The following ZFR variants were observed in gnomAD, a reference collection of about 807,000 sequenced individuals.
The protein encoded by ZFR is zinc finger RNA binding protein.
ZFR carries 19 observed loss-of-function variants against 130.7 expected under a neutral mutation model. That is an observed-to-expected ratio of 0.15 (90% CI 0.10 to 0.21). ZFR has a LOEUF of 0.21. ZFR is among the 10% of genes least tolerant of loss of function. The pLI is 1.00. For missense variants in ZFR, 872 were observed against 1,321.5 expected, an observed-to-expected ratio of 0.66 and a Z score of 5.27; for synonymous variants, 466 against 456.9, an observed-to-expected ratio of 1.02 and a Z score of -0.25.
At chr5:32,393,254 T>C (rs1477508112) in intron 11 of ZFR, among the ~76,000 whole-genome samples, 1 of 152,234 alleles carries the variant, frequency 6.6e-6, no homozygotes, top group Non-Finnish European at 1.5e-5. Flanking sequence ...CGTGTAATAT[T>C]TTAACAAATA....
intron 17 of ZFR, among the ~76,000 whole-genome samples, chr5:32,376,087 C>T (rs1159591597): frequency 1.3e-5 from 2 of 151,732 alleles, no homozygotes; most frequent in Non-Finnish European, 2.9e-5. Flanking sequence ...TGTGATCCAC[C>T]CGCCTCGGCC....
At chr5:32,403,526 G>A (rs368554056) in intron 7 of ZFR, 129 bp from the exon 8 acceptor site, 2 of 1,144,454 alleles carry the variant, frequency 1.7e-6, no homozygotes, top group East Asian at 2.5e-5. Flanking sequence ...ATATGTTTTT[G>A]TATATACACA....
intron 3 of ZFR, among the ~76,000 whole-genome samples, chr5:32,418,862 G>T (rs1003191494): frequency 3.9e-5 from 6 of 152,024 alleles, no homozygotes; most frequent in Non-Finnish European, 7.4e-5. Context: ...AAGAAATTAG[G>T]ACCAAATTTA....
At chr5:32,432,033 C>G (rs1159398515) in intron 2 of ZFR, among the ~76,000 whole-genome samples, 2 of 151,290 alleles carry the variant, frequency 1.3e-5, no homozygotes, top group African/African-American at 2.4e-5. Flanking sequence ...ACTTTGTCAC[C>G]CAGGCTGGAG....
intron 2 of ZFR, 23 bp downstream of exon 2, chr5:32,444,206 G>C (rs375139787): frequency 5.5e-5 from 87 of 1,595,262 alleles, no homozygotes; most frequent in Non-Finnish European, 7.1e-5. Context: ...GGGGCGAACA[G>C]AGAGAAGGCA....
At chr5:32,375,206 T>C (rs1199337124) in intron 17 of ZFR, among the ~76,000 whole-genome samples, 1 of 152,216 alleles carries the variant, frequency 6.6e-6, no homozygotes, top group Non-Finnish European at 1.5e-5. Context: ...AGAAAAACTA[T>C]ACATTCATGT....
In ZFR at chr5:32,380,100, G is replaced by A; in HGVS notation, c.2714C>T (p.Ala905Val). Residue 905 changes from alanine to valine, a missense_variant, in exon 16 of 20, where the codon GCT becomes GTT. Transcript: ENST00000265069. Reference protein sequence around the residue: ...DRQKCLDALAALRHAKWFQAR... With the variant: ...DRQKCLDALAVLRHAKWFQAR... ...CTGGAACCACTTAGCGTGGCGTAGA[G>A]CAGCCAGAGCGTCAAGGCATTTTTG... 6.2e-7 allele frequency: 1 copy of A among 1,614,090 alleles called. No homozygotes were observed. Among genetic ancestry groups the A allele is most frequent in the Non-Finnish European group, 8.5e-7 (1 of 1,179,942 alleles).
At chr5:32,444,130 T>C in intron 2 of ZFR, 99 bp downstream of exon 2, 2 of 1,371,484 alleles carry the variant, frequency 1.5e-6, no homozygotes, top group Non-Finnish European at 2.0e-6. Flanking sequence ...GGGCCGGGGC[T>C]CTGGGATGGC....
At chr5:32,390,521 A>C (rs1268358765) in intron 11 of ZFR, 84 bp from the exon 12 acceptor site, 4 of 1,334,964 alleles carry the variant, frequency 3.0e-6, no homozygotes, top group Non-Finnish European at 4.0e-6. Context: ...AAAAAGCAAT[A>C]AAAAACCCCA....
In ZFR at chr5:32,406,824, G is replaced by C; in HGVS notation, c.982C>G (p.Pro328Ala). 1 of 1,614,086 alleles carries C rather than the reference G, an allele frequency of 6.2e-7. No individual in the cohort carries two copies. The highest frequency in any genetic ancestry group is 8.5e-7 in the Non-Finnish European group (1 of 1,180,010). Residue 328 changes from proline to alanine, a missense_variant, in exon 6 of 20, where the codon CCA becomes GCA. By Grantham distance (27) the Pro-to-Ala change is conservative. Coordinates refer to ENST00000265069, the MANE Select transcript of ZFR (RefSeq NM_016107.5). The part of the protein sequence containing the change: ...QLKPKQPPKP[P>A]QIHYCDVCKI... The stretch of plus-strand genomic sequence containing the variant: ...CAAACATCACAATAGTGAATCTGTG[G>C]TGGTTTGGGAGGCTGTTTTGGTTTC...
At chr5:32,388,360 A>G in intron 13 of ZFR, 109 bp downstream of exon 13, 1 of 1,048,172 alleles carries the variant, frequency 9.5e-7, no homozygotes, top group Non-Finnish European at 1.4e-6. Context: ...CATGGTTAAA[A>G]CACATAGAAC....
rs567105236 is a variant in ZFR, at chr5:32,374,663, T to C, written c.2835+4452A>G. On this transcript the variant is annotated intron_variant, in intron 17 of 19. Transcript: ENST00000265069. ...TTTTGCTCCCATCTGGCAAATACTT[T>C]ACTGGCTAGTCTAATCAATGACACA... Among the ~76,000 whole-genome samples, 110 of 151,482 alleles carry C rather than the reference T, an allele frequency of 7.3e-4. 2 individuals are homozygous for C. In the South Asian group the frequency reaches 0.022, roughly 31 times the overall value.
chr5:32,358,315 C>A (rs1022836249), intron 19 of ZFR, among the ~76,000 whole-genome samples: 19 of 152,166 alleles, frequency 1.2e-4, no homozygotes, highest in African/African-American at 4.6e-4. Flanking sequence ...CAAAATTGTG[C>A]CATTGCAATC....
rs1346397919 is a variant in ZFR, at chr5:32,390,317, C to T, written c.2100G>A (p.Leu700=). 1.2e-6 allele frequency: 2 copies of T among 1,614,156 alleles called. No individual in the cohort carries two copies. Among genetic ancestry groups the T allele is most frequent in the Non-Finnish European group, 1.7e-6 (2 of 1,180,006 alleles). The part of the protein sequence containing the change: ...PHGPPGPLGL[L]GVRPGMPPQP... Reference sequence around the variant, plus strand: ...GAGGAGGCATGCCTGGTCGGACTCCCAGAAGGCCTAATGGGCCTGGAGGAC... The same window carrying T: ...GAGGAGGCATGCCTGGTCGGACTCCTAGAAGGCCTAATGGGCCTGGAGGAC... The change falls in exon 12 of 20, where the codon CTG becomes CTA. Residue 700 remains leucine (L), a synonymous_variant. Transcript: ENST00000265069.
intron 4 of ZFR, among the ~76,000 whole-genome samples, chr5:32,415,513 T>TGTGTGC (rs1554073605): frequency 2.2e-5 from 2 of 92,250 alleles, no homozygotes; most frequent in African/African-American, 5.6e-5. Flanking sequence ...TGTGTGTGTG[T>TGTGTGC]GTGCGCGCGC....
intron 11 of ZFR, among the ~76,000 whole-genome samples, chr5:32,394,150 A>G (rs1325389920): frequency 6.6e-6 from 1 of 152,254 alleles, no homozygotes; most frequent in African/African-American, 2.4e-5. Flanking sequence ...TAAAAGTTAT[A>G]CAAAAATATT....
chr5:32,411,075 T>C (rs966173471), intron 5 of ZFR, among the ~76,000 whole-genome samples: 7 of 152,200 alleles, frequency 4.6e-5, no homozygotes, highest in East Asian at 1.9e-4. Flanking sequence ...ATAAAATACT[T>C]TGTGGCCATT....
At chr5:32,372,122 T>A (rs1752679211) in intron 17 of ZFR, among the ~76,000 whole-genome samples, 2 of 152,266 alleles carry the variant, frequency 1.3e-5, no homozygotes, top group East Asian at 3.9e-4. Context: ...GTAGCCTACA[T>A]TTGCTAACAA....
At chr5:32,357,518 G>C (rs1335675604) in intron 19 of ZFR, among the ~76,000 whole-genome samples, 1 of 152,130 alleles carries the variant, frequency 6.6e-6, no homozygotes, top group Non-Finnish European at 1.5e-5. Context: ...TGCCTGCCTT[G>C]GCCTCCCGAA....
Sources: allele counts gnomAD v4.1 joint callset (sites outside exome capture counted in the v4.1 genomes callset), GRCh38; gene constraint gnomAD v4.1.1; transcripts MANE v1.5; gene names NCBI Gene and HGNC (gene_info 2026-07-23, HGNC 2026-07-21).